The following RRM2 variants were observed in gnomAD, a reference collection of about 807,000 sequenced individuals.
The protein encoded by RRM2 is ribonucleotide reductase regulatory subunit M2.
Under a neutral mutation model 45.9 loss-of-function variants are expected in RRM2, and 6 were observed. That is an observed-to-expected ratio of 0.13 (90% confidence interval 0.07 to 0.26). The LOEUF (loss-of-function observed/expected upper bound fraction) is 0.26. RRM2 is among the 10% of genes least tolerant of loss of function. The probability of loss-of-function intolerance (pLI) is 1.00; values close to 1 mark genes in which losing one functional copy is unlikely to be tolerated. For synonymous variants in RRM2, 177 were observed against 173.0 expected, an observed-to-expected ratio of 1.02 and a Z score of -0.18; for missense variants, 343 against 489.5, an observed-to-expected ratio of 0.70 and a Z score of 2.82.
chr2:10,123,583 C>A, intron 3 of RRM2, 53 bp downstream of exon 3: 1 of 1,572,694 alleles, frequency 6.4e-7, no homozygotes, highest in Non-Finnish European at 8.6e-7. Context: ...ACGCCTCAGA[C>A]ATAAATGCAC....
intron 3 of RRM2, among the ~76,000 whole-genome samples, chr2:10,179,472 C>A (rs1663999511): frequency 6.6e-6 from 1 of 152,164 alleles, no homozygotes; most frequent in Non-Finnish European, 1.5e-5. Context: ...CTTAAAAGGA[C>A]ATTTGAGTGC....
At chr2:10,126,083 CTGGAG>C (rs1177074289) in intron 5 of RRM2, among the ~76,000 whole-genome samples, 19 of 149,910 alleles carry the variant, frequency 1.3e-4, no homozygotes, top group African/African-American at 4.4e-4. Context: ...GGCTTGAGCC[CTGGAG>C]TTTGGTTTTA....
intron 3 of RRM2, among the ~76,000 whole-genome samples, chr2:10,207,916 GA>G (rs1475508257): frequency 6.6e-6 from 1 of 151,612 alleles, no homozygotes; most frequent in Admixed American, 6.6e-5. Context: ...GACTACCATG[GA>G]CATGCAGTAA....
downstream of RRM2, among the ~76,000 whole-genome samples, chr2:10,135,799 T>G (rs182147213): frequency 3.0e-4 from 46 of 152,258 alleles, 1 homozygote; most frequent in African/African-American, 1.0e-3. Context: ...ATTGTTCCTC[T>G]GGGAAAACAC....
chr2:10,126,790 T>G, intron 5 of RRM2, 85 bp from the exon 6 acceptor site: 1 of 977,260 alleles, frequency 1.0e-6, no homozygotes, highest in Non-Finnish European at 1.6e-6. Flanking sequence ...ATTTGGCCTT[T>G]GTCCCAGAGC....
chr2:10,144,775 G>A (rs768266453), intron 3 of RRM2, among the ~76,000 whole-genome samples: 12 of 152,130 alleles, frequency 7.9e-5, no homozygotes, highest in South Asian at 2.1e-4. Context: ...GAGAGGCCCC[G>A]GTGTCAGCCT....
rs761805563 is a variant in RRM2 at position 10,210,407 on chromosome 2, C to T, written n.579C>T. 4 of 1,367,758 alleles carry T rather than the reference C, an allele frequency of 2.9e-6. No homozygotes were observed. The African/African-American group carries it at 5.9e-5, about 20-fold the overall frequency. The allele number at this position is 1,367,758 out of a possible 1,614,324, so 84.7% of individuals were successfully genotyped here. ...CCACCGTGGTGCTCACAGCAAGACA[C>T]CCAGAGTCCCTTCCAGACAGGGACA... On this transcript the variant is annotated non_coding_transcript_exon_variant, in exon 4 of 4. Coordinates refer to the RRM2 transcript ENST00000381786.
At chr2:10,189,515 C>T (rs1020539486) in intron 3 of RRM2, among the ~76,000 whole-genome samples, 2 of 152,246 alleles carry the variant, frequency 1.3e-5, no homozygotes, top group Non-Finnish European at 2.9e-5. Context: ...CCACCAGCAG[C>T]CTGCCCCTTG....
At chr2:10,189,202 C>A (rs927626414) in intron 3 of RRM2, among the ~76,000 whole-genome samples, 3 of 152,274 alleles carry the variant, frequency 2.0e-5, no homozygotes, top group African/African-American at 7.2e-5. Context: ...AAGGGGCACT[C>A]CAGGTGGATG....
intron 3 of RRM2, among the ~76,000 whole-genome samples, chr2:10,178,223 CTTTTT>C (rs34044826): frequency 8.0e-5 from 10 of 125,350 alleles, no homozygotes; most frequent in Admixed American, 1.6e-4. Flanking sequence ...ACCGTGCAGG[CTTTTT>C]TTTTTTTTTT....
At chr2:10,122,611 C>G, upstream of RRM2, 1 of 1,514,884 alleles carries the variant, frequency 6.6e-7, no homozygotes, top group Non-Finnish European at 8.9e-7. Context: ...AGGGGCAAGG[C>G]GCAGCCAATG....
intron 3 of RRM2, among the ~76,000 whole-genome samples, chr2:10,178,938 C>T (rs1342080698): frequency 6.6e-6 from 1 of 152,188 alleles, no homozygotes; most frequent in Non-Finnish European, 1.5e-5. Flanking sequence ...GAGCCCTCAA[C>T]AGACACCGAT....
chr2:10,158,264 G>T (rs904936673), intron 3 of RRM2, among the ~76,000 whole-genome samples: 1 of 152,174 alleles, frequency 6.6e-6, no homozygotes, highest in Admixed American at 6.5e-5. Context: ...TGGGTGAGGG[G>T]GTGATACAAA....
chr2:10,122,626 G>A, upstream of RRM2: 1 of 1,528,208 alleles, frequency 6.5e-7, no homozygotes, highest in Non-Finnish European at 8.8e-7. Context: ...CCAATGGGAA[G>A]GGTCGGAGGC....
At chr2:10,123,562 G>A in intron 3 of RRM2, 32 bp downstream of exon 3, 1 of 1,587,722 alleles carries the variant, frequency 6.3e-7, no homozygotes, top group Non-Finnish European at 8.6e-7. Context: ...ACCCCTGCAG[G>A]GGTGACCGTC....
chr2:10,163,967 G>A (rs1257163745), intron 3 of RRM2, among the ~76,000 whole-genome samples: 2 of 152,130 alleles, frequency 1.3e-5, no homozygotes, highest in African/African-American at 2.4e-5. Context: ...AGAGTCCTGT[G>A]AGTTCATTTC....
intron 3 of RRM2, among the ~76,000 whole-genome samples, chr2:10,199,789 A>AAAAAAAC (rs1553329356): frequency 7.1e-6 from 1 of 141,708 alleles, no homozygotes; most frequent in Non-Finnish European, 1.5e-5. Flanking sequence ...CAAAAAAAAA[A>AAAAAAAC]AAAAAAAAAA....
At chr2:10,207,084 A>G (rs887154580) in intron 3 of RRM2, among the ~76,000 whole-genome samples, 2 of 152,320 alleles carry the variant, frequency 1.3e-5, no homozygotes, top group Middle Eastern at 3.4e-3. Flanking sequence ...ATGTCCAGAA[A>G]GGACTCACAA....
At chr2:10,188,660 T>G (rs1450325520) in intron 3 of RRM2, among the ~76,000 whole-genome samples, 1 of 151,966 alleles carries the variant, frequency 6.6e-6, no homozygotes, top group Non-Finnish European at 1.5e-5. Context: ...GCCACCTTCC[T>G]GCTTGAGGGG....
Sources: allele counts gnomAD v4.1 joint callset (sites outside exome capture counted in the v4.1 genomes callset), GRCh38; gene constraint gnomAD v4.1.1; transcripts MANE v1.5; gene names NCBI Gene and HGNC (gene_info 2026-07-23, HGNC 2026-07-21).